TYRO3: variants seen among roughly 807,000 people sequenced by gnomAD.
TYRO3 encodes the protein tyrosine-protein kinase receptor TYRO3.
A neutral mutation model predicts 95.2 loss-of-function variants in TYRO3; 38 were observed. The observed-to-expected ratio is 0.40, with a 90% CI of 0.31 to 0.52. The LOEUF is 0.52. Ranked by LOEUF, TYRO3 falls within the 20% of genes least tolerant of loss-of-function variation. The pLI, the probability that TYRO3 is intolerant of heterozygous loss-of-function variation, is 0.56. For synonymous variants in TYRO3, 367 were observed against 432.9 expected, an observed-to-expected ratio of 0.85 and a Z score of 1.89; for missense variants, 812 against 1,116.4, an observed-to-expected ratio of 0.73 and a Z score of 3.89.
intron 6 of TYRO3, among the ~76,000 whole-genome samples, chr15:41,565,629 A>G (rs2055713165): frequency 6.9e-6 from 1 of 144,602 alleles, no homozygotes; most frequent in Non-Finnish European, 1.5e-5. Context: ...GTAGTTCACC[A>G]TATTAGCCAG....
intron 18 of TYRO3, among the ~76,000 whole-genome samples, chr15:41,575,355 G>T (rs1440359514): frequency 6.6e-6 from 1 of 152,218 alleles, no homozygotes; most frequent in South Asian, 2.1e-4. Flanking sequence ...CTAATCTGGC[G>T]CTGTAGAAGC....
Position 41,564,261 on chromosome 15 carries a change from C to G in TYRO3, c.658C>G (p.His220Asp). The G allele has an allele frequency of 6.2e-7, 1 of 1,614,078 alleles. No individual in the cohort carries two copies. The highest frequency in any genetic ancestry group is 8.5e-7 in the Non-Finnish European group (1 of 1,179,984). The change falls in exon 5 of 19, where the codon CAC (histidine) becomes GAC (aspartate). Residue 220 changes from histidine to aspartate, a missense_variant. Transcript: ENST00000263798. ...GLASSRTATV[H>D]LQALPAAPFN... ...GGCCTCTTCTCGCACAGCCACTGTTCACCTTCAAGGTAGGAGGGCTGGCAG... is the reference window on the plus strand; with the variant it reads ...GGCCTCTTCTCGCACAGCCACTGTTGACCTTCAAGGTAGGAGGGCTGGCAG...
rs150035019 is a variant in TYRO3 at position 41,568,312 on chromosome 15, G to A, written c.1057G>A (p.Gly353Ser). Residue 353 changes from glycine to serine, a missense_variant, in exon 8 of 19, where the codon GGC becomes AGC. Coordinates refer to ENST00000263798, the MANE Select transcript of TYRO3 (RefSeq NM_006293.4). ...EEVIPEAPLE[G>S]PLGPYKLSWV... ...AGTGATCCCCGAGGCCCCTTTGGAA[G>A]GCCCCCTGGGACCCTACAAACTGTC... is the stretch of plus-strand genomic sequence containing the variant. 6.3e-5 allele frequency: 101 copies of A among 1,613,962 alleles called. No homozygotes were observed. The African/African-American group carries it at 1.3e-3, about 20-fold the overall frequency.
At chr15:41,563,648 C>T (rs7174076) in intron 4 of TYRO3, among the ~76,000 whole-genome samples, 9 of 152,276 alleles carry the variant, frequency 5.9e-5, no homozygotes, top group African/African-American at 1.9e-4. Flanking sequence ...TACTCCACAC[C>T]ACACTGTGCT....
At chr15:41,576,573 C>T (rs2055862735) in intron 18 of TYRO3, among the ~76,000 whole-genome samples, 1 of 151,598 alleles carries the variant, frequency 6.6e-6, no homozygotes, top group East Asian at 1.9e-4. Context: ...AAGTGATCCA[C>T]CTGCTTCGGC....
intron 18 of TYRO3, among the ~76,000 whole-genome samples, chr15:41,575,279 C>A (rs2055845880): frequency 6.6e-6 from 1 of 152,238 alleles, no homozygotes; most frequent in Non-Finnish European, 1.5e-5. Flanking sequence ...GTTCATTCAG[C>A]AGAGCTCAGG....
At chr15:41,571,557 C>T (rs769974628) in intron 13 of TYRO3, 38 bp from the exon 14 acceptor site, 3 of 1,428,870 alleles carry the variant, frequency 2.1e-6, no homozygotes, top group South Asian at 1.1e-5. Context: ...AGGGGCACAT[C>T]TTGTTTTATT....
intron 15 of TYRO3, 27 bp downstream of exon 15, chr15:41,572,591 G>T (rs777405670): frequency 1.9e-6 from 3 of 1,613,756 alleles, no homozygotes; most frequent in Non-Finnish European, 1.7e-6. Flanking sequence ...GGGGTGGCCA[G>T]GAGGAAACGG....
intron 13 of TYRO3, 29 bp downstream of exon 13, chr15:41,571,147 G>T (rs558612474): frequency 5.0e-6 from 8 of 1,585,910 alleles, no homozygotes; most frequent in Non-Finnish European, 6.1e-6. Context: ...TAGCCTGAGG[G>T]CATCACTTGG....
intron 1 of TYRO3, among the ~76,000 whole-genome samples, chr15:41,559,735 C>G (rs1450724749): frequency 2.0e-5 from 3 of 152,200 alleles, no homozygotes; most frequent in Non-Finnish European, 4.4e-5. Context: ...TCTGCCTGCC[C>G]CGCACGCGAA....
intron 2 of TYRO3, 22 bp downstream of exon 2, chr15:41,561,332 T>C: frequency 6.3e-7 from 1 of 1,599,914 alleles, no homozygotes; most frequent in East Asian, 2.2e-5. Context: ...TGGGGGAAGG[T>C]GTGGGCTGCC....
At position 41,568,367 on chromosome 15, in the gene TYRO3, G is replaced by A. The variant is rs55689932; in HGVS notation, c.1107+5G>A. Reference sequence around the variant, plus strand: ...GTTCAAGACAATGGAACCCAGGTAAGACAGAACCCTCCCCTCTCTCCACTC... The same window carrying A: ...GTTCAAGACAATGGAACCCAGGTAAAACAGAACCCTCCCCTCTCTCCACTC... On this transcript the variant is annotated splice_donor_5th_base_variant and intron_variant, in intron 8 of 18. Coordinates refer to ENST00000263798, the MANE Select transcript of TYRO3 (RefSeq NM_006293.4). 2.2e-6 allele frequency: 3 copies of A among 1,382,540 alleles called. No individual in the cohort carries two copies. The highest frequency in any genetic ancestry group is 3.0e-6 in the Non-Finnish European group (3 of 992,750). 85.6% of individuals were successfully genotyped at this position (1,382,540 alleles called of 1,614,324 possible). A position where few individuals can be genotyped will look rare whatever the true frequency, so the allele number is the denominator to read the frequency against.
intron 14 of TYRO3, 83 bp from the exon 15 acceptor site, chr15:41,572,360 A>G: frequency 2.6e-6 from 4 of 1,522,912 alleles, no homozygotes; most frequent in Non-Finnish European, 3.5e-6. Flanking sequence ...TAGAGATGGG[A>G]CCCAGCAGGT....
In TYRO3 at chr15:41,559,295, C is replaced by T. The variant is rs2052128365; in HGVS notation, c.38C>T (p.Pro13Leu). ...LRRSMGRPGL[P>L]PLPLPPPPRL... ...CGGAGCATGGGGCGGCCGGGGCTCC[C>T]GCCGCTGCCGCTGCCGCCGCCACCG... Residue 13 changes from proline to leucine, a missense_variant, in exon 1 of 19, where the codon CCG (proline) becomes CTG (leucine). Coordinates refer to ENST00000263798, the MANE Select transcript of TYRO3 (RefSeq NM_006293.4). 6.7e-6 allele frequency: 4 copies of T among 599,422 alleles called. No individual in the cohort carries two copies. The highest frequency in any genetic ancestry group is 7.1e-6 in the Non-Finnish European group (3 of 420,872). 37.1% of individuals were successfully genotyped at this position (599,422 alleles called of 1,614,324 possible).
rs767594141 is a variant in TYRO3, at chr15:41,578,003, G to T, written c.2400G>T (p.Gln800His). Residue 800 changes from glutamine to histidine, a missense_variant, in exon 19 of 19, where the codon CAG becomes CAT. Transcript: ENST00000263798. ...AGCTGTCTGTGCTATCTGCCAGCCA[G>T]GACCCCTTATACATCAACATCGAGA... Reference protein sequence around the residue: ...LGQLSVLSASQDPLYINIERA... With the variant: ...LGQLSVLSASHDPLYINIERA... 6.2e-7 allele frequency: 1 copy of T among 1,614,090 alleles called. No homozygotes were observed. Among genetic ancestry groups the T allele is most frequent in the African/African-American group, 1.3e-5 (1 of 75,040 alleles).
intron 4 of TYRO3, 129 bp downstream of exon 4, chr15:41,562,847 T>A (rs968366175): frequency 2.9e-5 from 27 of 933,226 alleles, no homozygotes; most frequent in Admixed American, 1.3e-4. Flanking sequence ...TCTGGGGACG[T>A]GAGCTGCACC....
At chr15:41,572,073 C>T (rs2055803608) in intron 14 of TYRO3, among the ~76,000 whole-genome samples, 2 of 151,796 alleles carry the variant, frequency 1.3e-5, no homozygotes, top group Non-Finnish European at 2.9e-5. Context: ...TGGTGTGCAC[C>T]TTTGTCCAGC....
At position 41,578,117 on chromosome 15, in the gene TYRO3, G is replaced by A. The variant is rs752259422; in HGVS notation, c.2514G>A (p.Gly838=). The change falls in exon 19 of 19, where the codon GGG becomes GGA. Residue 838 remains glycine (G), a synonymous_variant. Coordinates refer to ENST00000263798, the MANE Select transcript of TYRO3 (RefSeq NM_006293.4). ...YSGAGDGSGM[G]AVGGTPSDCR... Reference sequence around the variant, plus strand: ...GGGCTGGGGATGGCAGTGGCATGGGGGCAGTGGGTGGCACTCCCAGTGACT... The same window carrying A: ...GGGCTGGGGATGGCAGTGGCATGGGAGCAGTGGGTGGCACTCCCAGTGACT... The A allele has an allele frequency of 1.2e-6, 2 of 1,613,960 alleles. No individual in the cohort carries two copies. The highest frequency in any genetic ancestry group is 2.2e-5 in the South Asian group (2 of 91,062).
chr15:41,559,867 C>T (rs1034240293), intron 1 of TYRO3, among the ~76,000 whole-genome samples: 2 of 152,234 alleles, frequency 1.3e-5, no homozygotes, highest in Non-Finnish European at 2.9e-5. Flanking sequence ...CACTCGAGTT[C>T]CTGTGCCCTC....
Sources: gnomAD v4.1 joint callset for allele counts (sites outside exome capture counted in the v4.1 genomes callset) on GRCh38, gnomAD v4.1.1 for gene constraint, MANE v1.5 for transcripts, NCBI Gene and HGNC (gene_info 2026-07-23, HGNC 2026-07-21) for gene names.